Variants in SDK1 observed in about 807,000 individuals in gnomAD.
SDK1 encodes sidekick cell adhesion molecule 1.
A neutral mutation model predicts 245.5 loss-of-function variants in SDK1; 157 were observed. The observed-to-expected ratio is 0.64, with a 90% CI of 0.56 to 0.73. The LOEUF (loss-of-function observed/expected upper bound fraction) is 0.73. Among genes scored for constraint, SDK1 ranks in the 30% least tolerant of loss-of-function variants. The pLI, the probability that SDK1 is intolerant of heterozygous loss-of-function variation, is 0.00. For synonymous variants in SDK1, 1,647 were observed against 1,278.5 expected, an observed-to-expected ratio of 1.29 and a Z score of -6.15; for missense variants, 3,583 against 3,002.3, an observed-to-expected ratio of 1.19 and a Z score of -4.52.
intron 1 of SDK1, among the ~76,000 whole-genome samples, chr7:3,438,157 C>A (rs1015737253): frequency 1.3e-5 from 2 of 152,170 alleles, no homozygotes; most frequent in African/African-American, 4.8e-5. Context: ...TTCTGCATTG[C>A]ATGGTCTTTT....
At position 4,220,237 on chromosome 7, in the gene SDK1, C is replaced by G. The variant is rs774875454; in HGVS notation, c.5668C>G (p.Leu1890Val). Residue 1890 changes from leucine (L) to valine (V), a missense_variant, in exon 39 of 45, where the codon CTC becomes GTC. Coordinates refer to ENST00000404826, the MANE Select transcript of SDK1 (RefSeq NM_152744.4). ...QARTITYGPE[L>V]QANITAGPAE... ...GCGGACCATCACCTACGGGCCCGAG[C>G]TCCAAGCCAATATCACAGCCGGGCC... 6.2e-6 allele frequency: 10 copies of G among 1,613,692 alleles called. No homozygotes were observed. Among genetic ancestry groups the G allele is most frequent in the South Asian group, 1.1e-5 (1 of 91,072 alleles).
Position 4,132,361 on chromosome 7 carries a change from T to C in SDK1, c.4166T>C (p.Val1389Ala), listed in dbSNP as rs1324389862. ...GPPVRLVFPE[V>A]RLTSVRIVWQ... ...CCAGTGAGGCTCGTGTTCCCCGAAG[T>C]GAGACTCACCTCCGTGCGGATAGTG... is the stretch of plus-strand genomic sequence containing the variant. Residue 1389 changes from valine (V) to alanine (A), a missense_variant, in exon 28 of 45, where the codon GTG (valine) becomes GCG (alanine). Coordinates refer to ENST00000404826, the MANE Select transcript of SDK1 (RefSeq NM_152744.4). 3.7e-6 allele frequency: 6 copies of C among 1,612,714 alleles called. No homozygotes were observed. Among genetic ancestry groups the C allele is most frequent in the Non-Finnish European group, 5.1e-6 (6 of 1,179,186 alleles).
At chr7:4,214,063 T>G (rs1768746443) in intron 38 of SDK1, among the ~76,000 whole-genome samples, 1 of 152,088 alleles carries the variant, frequency 6.6e-6, no homozygotes, top group African/African-American at 2.4e-5. Flanking sequence ...TTTCTTCTCC[T>G]CCCGCAGACA....
chr7:3,612,239 A>C (rs1287979150), intron 1 of SDK1, among the ~76,000 whole-genome samples: 1 of 152,220 alleles, frequency 6.6e-6, no homozygotes, highest in Admixed American at 6.5e-5. Context: ...CACCTATGGA[A>C]ATAAAAAAAT....
At chr7:3,782,955 T>C (rs1780790144) in intron 4 of SDK1, among the ~76,000 whole-genome samples, 1 of 152,180 alleles carries the variant, frequency 6.6e-6, no homozygotes, top group South Asian at 2.1e-4. Context: ...TTGATGAACA[T>C]AGATGCAGAT....
Position 3,787,169 on chromosome 7 carries a change from C to CAG in SDK1, c.714-34280_714-34279insGA, listed in dbSNP as rs1480353184. The stretch of plus-strand genomic sequence containing the variant: ...AATCACACACACACACACACACACA[C>CAG]ACACACACACACACACACTCCCATA... On this transcript the variant is annotated intron_variant, in intron 4 of 44. Transcript: ENST00000404826. Among the ~76,000 whole-genome samples the CAG allele has an allele frequency of 7.9e-5, 12 of 151,614 alleles. No individual in the cohort carries two copies. In the Middle Eastern group the frequency reaches 0.01, roughly 129 times the overall value.
At chr7:3,683,710 G>A (rs1470897981) in intron 4 of SDK1, among the ~76,000 whole-genome samples, 3 of 152,206 alleles carry the variant, frequency 2.0e-5, no homozygotes, top group Non-Finnish European at 4.4e-5. Context: ...GGGACTTGAG[G>A]CATGAGGTGC....
intron 22 of SDK1, among the ~76,000 whole-genome samples, chr7:4,094,062 T>C (rs1292776415): frequency 1.3e-5 from 2 of 152,038 alleles, no homozygotes; most frequent in Non-Finnish European, 2.9e-5. Flanking sequence ...TTTTTGTGTT[T>C]TTTGCTTTTT....
chr7:3,883,599 C>A (rs1025361833), intron 5 of SDK1, among the ~76,000 whole-genome samples: 1 of 152,302 alleles, frequency 6.6e-6, no homozygotes, highest in African/African-American at 2.4e-5. Context: ...GACCCCAGAT[C>A]GTGCAGGCCT....
At chr7:3,813,339 C>T (rs1158919280) in intron 4 of SDK1, among the ~76,000 whole-genome samples, 2 of 146,868 alleles carry the variant, frequency 1.4e-5, no homozygotes, top group Non-Finnish European at 3.0e-5. Context: ...TCATTTCCCA[C>T]CTATGAGTGA....
rs1779953781 is a variant in SDK1 at position 3,757,085 on chromosome 7, T to G, written c.714-64365T>G. ...TGACACCAACTGGGTGTCCTGCAAT[T>G]CAACTGAATTACAAAACCAACTCCC... On this transcript the variant is annotated intron_variant, in intron 4 of 44. Transcript: ENST00000404826. Among the ~76,000 whole-genome samples the G allele has an allele frequency of 4.6e-5, 7 of 152,090 alleles. 1 individual carries two copies. In the South Asian group the frequency reaches 1.5e-3, roughly 32 times the overall value.
chr7:3,671,337 C>G (rs770945861), intron 4 of SDK1, among the ~76,000 whole-genome samples: 1 of 152,186 alleles, frequency 6.6e-6, no homozygotes, highest in Non-Finnish European at 1.5e-5. Context: ...TCTAGCCCAT[C>G]AGGGACATTT....
chr7:3,979,234 A>C (rs1158573662), intron 13 of SDK1, among the ~76,000 whole-genome samples: 1 of 152,002 alleles, frequency 6.6e-6, no homozygotes, highest in Non-Finnish European at 1.5e-5. Context: ...GGCGGCACCC[A>C]CCCGGGTTTG....
chr7:3,621,961 G>A (rs1400750186), intron 2 of SDK1, among the ~76,000 whole-genome samples: 2 of 152,156 alleles, frequency 1.3e-5, no homozygotes, highest in Non-Finnish European at 2.9e-5. Flanking sequence ...TAAGTCACAT[G>A]AGATATTCAA....
At chr7:3,647,444 A>G (rs1186335482) in intron 4 of SDK1, among the ~76,000 whole-genome samples, 1 of 151,946 alleles carries the variant, frequency 6.6e-6, no homozygotes, top group East Asian at 1.9e-4. Context: ...AAAGTTGGAG[A>G]CAGTCTTGCT....
At position 4,241,891 on chromosome 7, in the gene SDK1, T is replaced by C; in HGVS notation, c.6229T>C (p.Phe2077Leu). The C allele has an allele frequency of 6.2e-7, 1 of 1,613,900 alleles. No individual in the cohort carries two copies. ...SSRHLNVKST[F>L]SKKNGTRSPP... The stretch of plus-strand genomic sequence containing the variant: ...CCGCCACCTCAATGTCAAGAGCACC[T>C]TCTCCAAGAAGAACGGGACCAGGTA... Residue 2077 changes from phenylalanine to leucine, a missense_variant, in exon 43 of 45, where the codon TTC becomes CTC. Coordinates refer to ENST00000404826, the MANE Select transcript of SDK1 (RefSeq NM_152744.4).
At chr7:3,564,849 G>A (rs948130243) in intron 1 of SDK1, among the ~76,000 whole-genome samples, 8 of 152,040 alleles carry the variant, frequency 5.3e-5, no homozygotes, top group African/African-American at 1.9e-4. Flanking sequence ...ATTTTCTGAA[G>A]TTAATGAAAC....
intron 5 of SDK1, among the ~76,000 whole-genome samples, chr7:3,937,332 T>TG (rs1260910256): frequency 6.6e-6 from 1 of 151,982 alleles, no homozygotes; most frequent in Non-Finnish European, 1.5e-5. Flanking sequence ...TGCGTTCCAG[T>TG]GGGGGAGAGA....
At chr7:3,435,499 T>G (rs533775925) in intron 1 of SDK1, among the ~76,000 whole-genome samples, 6 of 150,666 alleles carry the variant, frequency 4.0e-5, no homozygotes, top group Non-Finnish European at 8.9e-5. Context: ...CCCAGCTAAT[T>G]ATTATGATTA....
Sources: gnomAD v4.1 joint callset for allele counts (sites outside exome capture counted in the v4.1 genomes callset) on GRCh38, gnomAD v4.1.1 for gene constraint, MANE v1.5 for transcripts, NCBI Gene and HGNC (gene_info 2026-07-23, HGNC 2026-07-21) for gene names.